The following GALNTL6 variants were observed in gnomAD, a reference collection of about 807,000 sequenced individuals.
GALNTL6 encodes the protein polypeptide N-acetylgalactosaminyltransferase like 6, also known as polypeptide N-acetylgalactosaminyltransferase-like 6.
In GALNTL6, 46 loss-of-function variants were observed where a neutral mutation model predicts 73.7. The observed-to-expected ratio is 0.62, with a 90% CI of 0.49 to 0.80. GALNTL6 has a LOEUF of 0.80. GALNTL6 is among the 30% of genes least tolerant of loss of function. The pLI, the probability that GALNTL6 is intolerant of heterozygous loss-of-function variation, is 0.00. For synonymous variants in GALNTL6, 259 were observed against 263.7 expected, an observed-to-expected ratio of 0.98 and a Z score of 0.17; for missense variants, 604 against 755.0, an observed-to-expected ratio of 0.80 and a Z score of 2.34.
chr4:172,841,633 G>C (rs1339938313), intron 7 of GALNTL6, among the ~76,000 whole-genome samples: 2 of 152,310 alleles, frequency 1.3e-5, no homozygotes, highest in African/African-American at 4.8e-5. Flanking sequence ...GGTGGCTGGA[G>C]AGAGAGAGTG....
intron 7 of GALNTL6, among the ~76,000 whole-genome samples, chr4:172,851,273 T>C (rs1226564927): frequency 6.6e-6 from 1 of 152,052 alleles, no homozygotes; most frequent in African/African-American, 2.4e-5. Flanking sequence ...TGTCAGGACC[T>C]GGGATCAAAG....
At chr4:172,291,779 A>C (rs1955283) in intron 3 of GALNTL6, among the ~76,000 whole-genome samples, 94,420 of 149,652 alleles carry the variant, frequency 0.63, 30,189 homozygotes, top group South Asian at 0.82. Flanking sequence ...TCTGGCAGCC[A>C]CATTCCAAAG....
chr4:172,188,481 A>C (rs2110872383), intron 2 of GALNTL6, among the ~76,000 whole-genome samples: 1 of 152,324 alleles, frequency 6.6e-6, no homozygotes, highest in African/African-American at 2.4e-5. Context: ...GGAGAACAAA[A>C]GTGACACGGT....
chr4:173,026,391 C>A (rs1187040504), intron 12 of GALNTL6, among the ~76,000 whole-genome samples: 1 of 152,108 alleles, frequency 6.6e-6, no homozygotes, highest in Non-Finnish European at 1.5e-5. Context: ...TGTATAAATA[C>A]CCCAACTCCC....
intron 7 of GALNTL6, among the ~76,000 whole-genome samples, chr4:172,847,346 G>A (rs1743567873): frequency 1.3e-5 from 2 of 151,988 alleles, no homozygotes; most frequent in African/African-American, 2.4e-5. Context: ...CCATTATAGA[G>A]CCCTCTTTTT....
At chr4:172,556,433 A>T (rs1246206118) in intron 5 of GALNTL6, among the ~76,000 whole-genome samples, 1 of 151,242 alleles carries the variant, frequency 6.6e-6, no homozygotes, top group African/African-American at 2.5e-5. Flanking sequence ...AGGGTTGCCC[A>T]ATTTAGCAAA....
intron 2 of GALNTL6, among the ~76,000 whole-genome samples, chr4:172,220,560 C>G (rs1736640397): frequency 6.6e-6 from 1 of 151,690 alleles, no homozygotes; most frequent in African/African-American, 2.4e-5. Context: ...TTGTGATACT[C>G]CTGAAGAAAA....
rs70941399 is a variant in GALNTL6, at chr4:172,308,003, C to CTTTTTTTTTTT, written c.248-3591_248-3581dup. Among the ~76,000 whole-genome samples, 24 of 34,586 alleles carry CTTTTTTTTTTT rather than the reference C, an allele frequency of 6.9e-4. 3 individuals carry two copies. The highest frequency in any genetic ancestry group is 1.9e-3 in the African/African-American group (18 of 9,714). The allele number at this position is 34,586 out of a possible 152,430, so 22.7% of individuals were successfully genotyped here. ...TCCATGAGCATGGGATGTGTTTTAA[C>CTTTTTTTTTTT]TTTTTTTTTTTTTTTTTTTTTTTTT... On this transcript the variant is annotated intron_variant, in intron 3 of 12. Coordinates refer to ENST00000506823, the MANE Select transcript of GALNTL6 (RefSeq NM_001034845.3).
intron 2 of GALNTL6, among the ~76,000 whole-genome samples, chr4:172,058,407 A>G (rs1370748065): frequency 6.6e-6 from 1 of 152,204 alleles, no homozygotes; most frequent in Admixed American, 6.6e-5. Flanking sequence ...TTTGCCTTCC[A>G]GACACAGAAT....
chr4:173,038,439 G>A (rs960069324), intron 12 of GALNTL6, among the ~76,000 whole-genome samples: 1 of 152,202 alleles, frequency 6.6e-6, no homozygotes, highest in African/African-American at 2.4e-5. Flanking sequence ...CTCCACCCCA[G>A]AGGAGAGGGA....
chr4:172,100,891 G>T (rs1403633236), intron 2 of GALNTL6, among the ~76,000 whole-genome samples: 2 of 151,944 alleles, frequency 1.3e-5, no homozygotes, highest in African/African-American at 4.8e-5. Flanking sequence ...GAAGTAGGAG[G>T]GTGGAAATTC....
intron 8 of GALNTL6, among the ~76,000 whole-genome samples, chr4:172,901,025 C>A (rs1267741327): frequency 3.9e-5 from 6 of 152,094 alleles, no homozygotes; most frequent in African/African-American, 1.2e-4. Context: ...ATCTGTCATT[C>A]TGAACGATAT....
At chr4:171,928,917 A>G (rs114920405) in intron 2 of GALNTL6, among the ~76,000 whole-genome samples, 1 of 152,226 alleles carries the variant, frequency 6.6e-6, no homozygotes, top group Non-Finnish European at 1.5e-5. Flanking sequence ...CACATTTCCC[A>G]GAATGTATTC....
At chr4:173,022,018 GGAAGGAAGGAAA>G (rs1251490396) in intron 12 of GALNTL6, among the ~76,000 whole-genome samples, 3 of 128,776 alleles carry the variant, frequency 2.3e-5, no homozygotes, top group African/African-American at 6.1e-5. Context: ...AGAGAGAAAA[GGAAGGAAGGAAA>G]GAAGGAAGGA....
rs1734217111 is a variant in GALNTL6, at chr4:172,155,160, G to A, written c.139-74496G>A. 2.6e-5 allele frequency among the ~76,000 whole-genome samples: 4 copies of A among 152,122 alleles called. No individual in the cohort carries two copies. The South Asian group carries it at 8.3e-4, about 32-fold the overall frequency. ...TTACAGGAGCCTGCCACCACGCCCA[G>A]CTAAGTTTTGTATTTTTAGTAGAGA... On this transcript the variant is annotated intron_variant, in intron 2 of 12. Coordinates refer to ENST00000506823, the MANE Select transcript of GALNTL6 (RefSeq NM_001034845.3).
At chr4:172,108,086 A>G (rs1221083391) in intron 2 of GALNTL6, among the ~76,000 whole-genome samples, 1 of 152,202 alleles carries the variant, frequency 6.6e-6, no homozygotes, top group Non-Finnish European at 1.5e-5. Context: ...GGAAACAGTT[A>G]ATGTAAACTG....
intron 5 of GALNTL6, among the ~76,000 whole-genome samples, chr4:172,369,820 T>A (rs950340741): frequency 1.3e-5 from 2 of 151,726 alleles, no homozygotes; most frequent in Non-Finnish European, 2.9e-5. Flanking sequence ...CACGAGCACC[T>A]CATGCAGCCC....
rs115569852 is a variant in GALNTL6 at position 172,379,173 on chromosome 4, A to G, written c.553+30484A>G. 3.4e-3 allele frequency among the ~76,000 whole-genome samples: 525 copies of G among 152,326 alleles called. 2 individuals carry two copies. The highest frequency in any genetic ancestry group is 0.012 in the African/African-American group (487 of 41,572). On this transcript the variant is annotated intron_variant, in intron 5 of 12. Transcript: ENST00000506823. ...GTTTAATGTTCCCATTCTGGTTCAA[A>G]CAATCAAGCTTGTCCATCTACAGCA...
At chr4:172,078,307 C>T (rs79197302) in intron 2 of GALNTL6, among the ~76,000 whole-genome samples, 5,322 of 152,238 alleles carry the variant, frequency 0.035, 137 homozygotes, top group Non-Finnish European at 0.038. Context: ...CCTTTGCTCA[C>T]TCTCTCTCCT....
Sources: gnomAD v4.1 joint callset for allele counts (sites outside exome capture counted in the v4.1 genomes callset) on GRCh38, gnomAD v4.1.1 for gene constraint, MANE v1.5 for transcripts, NCBI Gene and HGNC (gene_info 2026-07-23, HGNC 2026-07-21) for gene names.